Variants in KAZN observed in about 807,000 individuals in gnomAD.
The protein encoded by KAZN is kazrin.
In KAZN, 40 loss-of-function variants were observed where a neutral mutation model predicts 87.4. The observed-to-expected ratio is 0.46, with a 90% confidence interval of 0.36 to 0.60. The LOEUF (loss-of-function observed/expected upper bound fraction) is 0.60, where lower values mean the gene tolerates loss of function less well. Among genes scored for constraint, KAZN ranks in the 20% least tolerant of loss-of-function variants. The pLI is 0.00. For synonymous variants in KAZN, 466 were observed against 458.3 expected (o/e 1.02, Z -0.22); for missense variants, 898 against 1,073.9 (o/e 0.84, Z 2.29).
intron 1 of KAZN, among the ~76,000 whole-genome samples, chr1:14,659,560 A>AC (rs1639021965): frequency 6.6e-6 from 1 of 152,170 alleles, no homozygotes; most frequent in Non-Finnish European, 1.5e-5. Flanking sequence ...ATCAGAGGAA[A>AC]CCGATGGCAC....
Position 14,946,482 on chromosome 1 carries a change from C to T in KAZN, c.227-14202C>T, listed in dbSNP as rs186959996. Among the ~76,000 whole-genome samples the T allele has an allele frequency of 3.1e-3, 478 of 152,110 alleles. 3 individuals carry two copies. Among genetic ancestry groups the T allele is most frequent in the African/African-American group, 0.011 (458 of 41,506 alleles). ...CCTCCCGAGTCACTGGGGCTACAGG[C>T]GCCTGCCACCACGCTTGGCTAATTT... On this transcript the variant is annotated intron_variant, in intron 1 of 14. Transcript: ENST00000376030.
chr1:14,502,670 C>T (rs1670323514), intron 2 of KAZN, among the ~76,000 whole-genome samples: 1 of 152,132 alleles, frequency 6.6e-6, no homozygotes, highest in Non-Finnish European at 1.5e-5. Flanking sequence ...ACTAAACCTC[C>T]AACGTCTGCT....
At chr1:15,103,566 C>G in intron 12 of KAZN, 106 bp downstream of exon 12, 1 of 780,710 alleles carries the variant, frequency 1.3e-6, no homozygotes, top group Non-Finnish European at 2.2e-6. Context: ...ATATGCAGAT[C>G]TCATGCAAAT....
intron 1 of KAZN, among the ~76,000 whole-genome samples, chr1:14,076,368 C>A (rs1039790012): frequency 1.3e-5 from 2 of 152,074 alleles, no homozygotes; most frequent in African/African-American, 4.8e-5. Flanking sequence ...TATCCACAAG[C>A]CAAGGAGTGC....
At chr1:14,924,354 G>A (rs1379361811) in intron 1 of KAZN, 1 of 988,592 alleles carries the variant, frequency 1.0e-6, no homozygotes, top group Non-Finnish European at 1.2e-6. Flanking sequence ...GCGTCCCCCC[G>A]GGCACCCGGC....
At chr1:14,152,408 G>A (rs1645496666) in intron 1 of KAZN, among the ~76,000 whole-genome samples, 1 of 152,066 alleles carries the variant, frequency 6.6e-6, no homozygotes, top group Non-Finnish European at 1.5e-5. Context: ...TTGATTTTTA[G>A]ATATTACAAA....
At chr1:14,520,305 C>A (rs6429666) in intron 2 of KAZN, among the ~76,000 whole-genome samples, 62,413 of 151,538 alleles carry the variant, frequency 0.41, 13,229 homozygotes, top group South Asian at 0.62. Flanking sequence ...GTGGCCACAG[C>A]CCAATGGAGG....
chr1:14,670,871 G>A (rs933271012), intron 1 of KAZN, among the ~76,000 whole-genome samples: 1 of 152,222 alleles, frequency 6.6e-6, no homozygotes, highest in Non-Finnish European at 1.5e-5. Flanking sequence ...TCGACAAGGG[G>A]TGACTTACCT....
chr1:14,422,311 A>G (rs2101324544), intron 2 of KAZN, among the ~76,000 whole-genome samples: 1 of 152,346 alleles, frequency 6.6e-6, no homozygotes, highest in African/African-American at 2.4e-5. Context: ...CTTGCTCAGC[A>G]GCATGACGAC....
At chr1:15,112,600 C>G in intron 14 of KAZN, 59 bp downstream of exon 14, 1 of 385,482 alleles carries the variant, frequency 2.6e-6, no homozygotes, top group Admixed American at 4.8e-5. Flanking sequence ...GTCTTTTTTT[C>G]TCCTCCCGGG....
intron 2 of KAZN, among the ~76,000 whole-genome samples, chr1:14,501,080 AAAATAAATAAATAAAT>A (rs148614828): frequency 0.2 from 28,056 of 140,966 alleles, 3,024 homozygotes; most frequent in East Asian, 0.28. Context: ...GCATCTGCAA[AAAATAAATAAATAAAT>A]AAATAAATAA....
At chr1:14,625,749 G>C (rs982838904) in intron 1 of KAZN, among the ~76,000 whole-genome samples, 2 of 152,218 alleles carry the variant, frequency 1.3e-5, no homozygotes, top group Admixed American at 1.3e-4. Context: ...AGGGCGGGAG[G>C]TTTGTGCGTT....
chr1:13,912,241 C>T (rs919570087), intron 1 of KAZN, among the ~76,000 whole-genome samples: 2 of 152,142 alleles, frequency 1.3e-5, no homozygotes, highest in Admixed American at 1.3e-4. Context: ...GTGTTCAGGT[C>T]AGAAGAGAAC....
intron 1 of KAZN, among the ~76,000 whole-genome samples, chr1:14,951,034 C>G (rs11584121): frequency 6.6e-6 from 1 of 152,136 alleles, no homozygotes; most frequent in Non-Finnish European, 1.5e-5. Flanking sequence ...GGGACATCCC[C>G]TAGGGTTTTT....
chr1:14,015,851 C>T (rs1313540288), intron 1 of KAZN, among the ~76,000 whole-genome samples: 1 of 151,728 alleles, frequency 6.6e-6, no homozygotes, highest in Non-Finnish European at 1.5e-5. Flanking sequence ...ATACTTTGCC[C>T]GAGCCTCAAC....
intron 1 of KAZN, among the ~76,000 whole-genome samples, chr1:14,849,938 C>CCTT (rs1553144800): frequency 7.0e-6 from 1 of 143,288 alleles, no homozygotes; most frequent in African/African-American, 2.6e-5. Flanking sequence ...TCTACCCCCC[C>CCTT]TTTTTTTTTT....
chr1:14,246,579 C>T (rs181224197), intron 2 of KAZN, among the ~76,000 whole-genome samples: 10 of 151,966 alleles, frequency 6.6e-5, no homozygotes, highest in African/African-American at 2.2e-4. Context: ...AAATAAACAC[C>T]GTGTACTCCT....
intron 2 of KAZN, among the ~76,000 whole-genome samples, chr1:14,394,445 G>C (rs955008877): frequency 6.6e-6 from 1 of 152,208 alleles, no homozygotes; most frequent in Non-Finnish European, 1.5e-5. Flanking sequence ...CAACTGAAAA[G>C]CTTTTTTAAA....
intron 1 of KAZN, among the ~76,000 whole-genome samples, chr1:14,718,724 C>G (rs1642937561): frequency 6.6e-6 from 1 of 152,168 alleles, no homozygotes; most frequent in South Asian, 2.1e-4. Context: ...TGGATCCCCA[C>G]AAACCAGAAG....
Sources: allele counts gnomAD v4.1 joint callset (sites outside exome capture counted in the v4.1 genomes callset), GRCh38; gene constraint gnomAD v4.1.1; transcripts MANE v1.5; gene names NCBI Gene and HGNC (gene_info 2026-07-23, HGNC 2026-07-21).